Variants in ATF6 observed in about 807,000 individuals in gnomAD.
ATF6 encodes activating transcription factor 6.
ATF6 carries 53 observed loss-of-function variants against 83.6 expected under a neutral mutation model. That is an observed-to-expected ratio of 0.63 (90% confidence interval 0.51 to 0.80). The LOEUF is 0.80. ATF6 is among the 30% of genes least tolerant of loss of function. The pLI is 0.00. For missense variants in ATF6, 744 were observed against 797.9 expected (o/e 0.93, Z 0.81); for synonymous variants, 288 against 285.8 (o/e 1.01, Z -0.08).
intron 6 of ATF6, among the ~76,000 whole-genome samples, chr1:161,798,770 A>G (rs976420065): frequency 4.6e-5 from 7 of 152,236 alleles, no homozygotes; most frequent in African/African-American, 1.4e-4. Context: ...AAACAACCCC[A>G]TTAAGAAGTG....
chr1:161,814,548 T>C (rs1015162704), intron 7 of ATF6, among the ~76,000 whole-genome samples: 3 of 152,208 alleles, frequency 2.0e-5, no homozygotes, highest in African/African-American at 4.8e-5. Flanking sequence ...ATTATTTCCT[T>C]GATAATCTGC....
chr1:161,796,313 A>G lies in ATF6; in HGVS notation c.688+3986A>G, dbSNP rs147243711. Among the ~76,000 whole-genome samples the G allele has an allele frequency of 2.1e-4, 32 of 152,292 alleles. 1 individual carries two copies. The East Asian group carries it at 5.2e-3, about 25-fold the overall frequency. On this transcript the variant is annotated intron_variant, in intron 6 of 15. Coordinates refer to ENST00000367942, the MANE Select transcript of ATF6 (RefSeq NM_007348.4). The stretch of plus-strand genomic sequence containing the variant: ...TCTTCTGTTCTTTAAAATAGTCCCA[A>G]AGTTCCCTGAACAGTGTTTAATTTT...
chr1:161,854,314 T>C (rs538707065), intron 12 of ATF6, among the ~76,000 whole-genome samples: 1 of 152,304 alleles, frequency 6.6e-6, no homozygotes, highest in Admixed American at 6.5e-5. Flanking sequence ...TTCCTTCTAT[T>C]GTGTAGCCCC....
intron 7 of ATF6, among the ~76,000 whole-genome samples, chr1:161,818,181 A>C (rs1021290953): frequency 3.3e-5 from 5 of 151,966 alleles, no homozygotes; most frequent in Non-Finnish European, 4.4e-5. Flanking sequence ...AACACTCTAG[A>C]GTGTTTACTT....
intron 8 of ATF6, among the ~76,000 whole-genome samples, chr1:161,820,132 T>G (rs1035269904): frequency 6.1e-5 from 9 of 148,542 alleles, no homozygotes; most frequent in Admixed American, 1.4e-4. Context: ...TTTTCCCTTT[T>G]AAAAAAGAAA....
chr1:161,819,860 A>G (rs370978767), intron 8 of ATF6, 42 bp downstream of exon 8: 76 of 1,480,002 alleles, frequency 5.1e-5, no homozygotes, highest in Non-Finnish European at 6.8e-5. Flanking sequence ...GGGCTAAAGT[A>G]TCCTCTGGAT....
chr1:161,793,236 G>A lies in ATF6; in HGVS notation c.688+909G>A, dbSNP rs112163369. Reference sequence around the variant, plus strand: ...CTCTTTTAGCTTTGTTCTATTACATGGTCATAGACAATATGACATTGATAA... The same window carrying A: ...CTCTTTTAGCTTTGTTCTATTACATAGTCATAGACAATATGACATTGATAA... On this transcript the variant is annotated intron_variant, in intron 6 of 15. Transcript: ENST00000367942. 9.9e-3 allele frequency among the ~76,000 whole-genome samples: 1,504 copies of A among 152,036 alleles called. 8 individuals carry two copies. The highest frequency in any genetic ancestry group is 0.018 in the South Asian group (84 of 4,796).
intron 15 of ATF6, among the ~76,000 whole-genome samples, chr1:161,934,912 C>A (rs1688507934): frequency 6.6e-6 from 1 of 152,120 alleles, no homozygotes; most frequent in Non-Finnish European, 1.5e-5. Flanking sequence ...GTTTCCTCCC[C>A]AAAACAGAAT....
intron 9 of ATF6, among the ~76,000 whole-genome samples, chr1:161,825,992 C>T (rs137989821): frequency 3.9e-4 from 60 of 152,286 alleles, no homozygotes; most frequent in Non-Finnish European, 6.9e-4. Context: ...TACCCCCTAT[C>T]ACTCAGGAAA....
At chr1:161,909,812 C>T (rs575210269) in intron 14 of ATF6, among the ~76,000 whole-genome samples, 2 of 152,126 alleles carry the variant, frequency 1.3e-5, no homozygotes, top group African/African-American at 4.8e-5. Context: ...AAAAATTAGC[C>T]GGGCATGGTG....
At chr1:161,777,605 C>T (rs1684545659) in intron 1 of ATF6, among the ~76,000 whole-genome samples, 1 of 152,180 alleles carries the variant, frequency 6.6e-6, no homozygotes, top group African/African-American at 2.4e-5. Context: ...GGGCCTTGGT[C>T]AACACCTTAA....
chr1:161,769,638 C>G (rs937505400), intron 1 of ATF6, among the ~76,000 whole-genome samples: 32 of 152,110 alleles, frequency 2.1e-4, no homozygotes, highest in African/African-American at 7.2e-4. Flanking sequence ...TTATATAACT[C>G]AACATAATAC....
chr1:161,860,136 G>A, intron 12 of ATF6, 71 bp from the exon 13 acceptor site: 1 of 1,012,342 alleles, frequency 9.9e-7, no homozygotes, highest in East Asian at 2.7e-5. Context: ...AGTATAGAAT[G>A]AACCAGTATA....
chr1:161,942,244 C>T (rs958534039), intron 15 of ATF6, among the ~76,000 whole-genome samples: 3 of 152,146 alleles, frequency 2.0e-5, no homozygotes, highest in Non-Finnish European at 4.4e-5. Flanking sequence ...TGTTAACCCC[C>T]ATCCATTGGG....
chr1:161,894,108 A>G (rs6427634), intron 14 of ATF6, among the ~76,000 whole-genome samples: 14,723 of 152,148 alleles, frequency 0.097, 1,270 homozygotes, highest in East Asian at 0.32. Context: ...TTATAATAAT[A>G]AACTTAGGAA....
At chr1:161,945,118 A>G (rs980566582) in intron 15 of ATF6, among the ~76,000 whole-genome samples, 1 of 152,240 alleles carries the variant, frequency 6.6e-6, no homozygotes, top group Non-Finnish European at 1.5e-5. Flanking sequence ...AACTTGAGTA[A>G]GGTTTATAAT....
chr1:161,836,190 T>A (rs931200182), intron 9 of ATF6, among the ~76,000 whole-genome samples: 4 of 152,234 alleles, frequency 2.6e-5, no homozygotes, highest in African/African-American at 9.6e-5. Flanking sequence ...GTTTGTCAGC[T>A]TTTCATTATT....
chr1:161,958,624 T>G lies in ATF6; in HGVS notation c.1983T>G (p.Val661=). The change falls in exon 16 of 16, where the codon GTT becomes GTG. Residue 661 remains valine, a synonymous_variant. Coordinates refer to ENST00000367942, the MANE Select transcript of ATF6 (RefSeq NM_007348.4). ...CCGCAGCCACAGAGGCAACCCACGT[T>G]GTCAGCACCATCCCTGAGTCATTAC... ...SPPAATEATH[V]VSTIPESLQ 1 of 1,613,628 alleles carries G rather than the reference T, an allele frequency of 6.2e-7. No homozygotes were observed. The highest frequency in any genetic ancestry group is 8.5e-7 in the Non-Finnish European group (1 of 1,179,828).
rs749643114 is a variant in ATF6, at chr1:161,963,732, A to G, written c.*5078A>G. 1 of 152,230 alleles carries G rather than the reference A, an allele frequency of 6.6e-6. No individual in the cohort carries two copies. Among genetic ancestry groups the G allele is most frequent in the Non-Finnish European group, 1.5e-5 (1 of 68,048 alleles). The allele number at this position is 152,230 out of a possible 1,614,324, so 9.4% of individuals were successfully genotyped here. On this transcript the variant is annotated 3_prime_UTR_variant, in exon 16 of 16. Transcript: ENST00000367942. ...GGAAACAGAGCTTTAGATGAAAACT[A>G]CTATGCACTACTAGCCTTAGAGGCA...
Sources: allele counts gnomAD v4.1 joint callset (sites outside exome capture counted in the v4.1 genomes callset), GRCh38; gene constraint gnomAD v4.1.1; transcripts MANE v1.5; gene names NCBI Gene and HGNC (gene_info 2026-07-23, HGNC 2026-07-21).